Variants in ATP2C1 observed in about 807,000 individuals in gnomAD.
ATP2C1 encodes the protein calcium-transporting ATPase type 2C member 1.
A neutral mutation model predicts 120.5 loss-of-function variants in ATP2C1; 31 were observed. The ratio of observed to expected loss-of-function variants is 0.26; its 90% CI spans 0.19 to 0.35. The LOEUF is 0.35. Among genes scored for constraint, ATP2C1 ranks in the 10% least tolerant of loss-of-function variants. The probability of loss-of-function intolerance (pLI) is 1.00; values close to 1 mark genes in which losing one functional copy is unlikely to be tolerated. For missense variants in ATP2C1, 731 were observed against 1,107.5 expected, an observed-to-expected ratio of 0.66 and a Z score of 4.83; for synonymous variants, 351 against 358.7, an observed-to-expected ratio of 0.98 and a Z score of 0.24.
chr3:130,910,927 T>G (rs1267461367), intron 2 of ATP2C1, among the ~76,000 whole-genome samples: 11 of 112,926 alleles, frequency 9.7e-5, no homozygotes, highest in African/African-American at 3.8e-4. Flanking sequence ...GTTGTGTCTC[T>G]GCCCGGCTTT....
intron 2 of ATP2C1, among the ~76,000 whole-genome samples, chr3:130,912,006 A>T (rs1395122573): frequency 1.8e-5 from 2 of 110,724 alleles, no homozygotes; most frequent in African/African-American, 7.2e-5. Flanking sequence ...TGGGGAAAGG[A>T]TTCCCTATTT....
At chr3:130,903,680 C>T (rs1352277929) in intron 2 of ATP2C1, among the ~76,000 whole-genome samples, 1 of 142,480 alleles carries the variant, frequency 7.0e-6, no homozygotes, top group Non-Finnish European at 1.5e-5. Context: ...TCCTCTTTCC[C>T]CTTTCCCATT....
Position 130,975,492 on chromosome 3 carries a change from A to G in ATP2C1, c.1570+4A>G. Reference sequence around the variant, plus strand: ...ATGGGCTCAGCGGGACTCAGAGGTAAGGCTATTTCAGCATAGTCCCCTGGG... The same window carrying G: ...ATGGGCTCAGCGGGACTCAGAGGTAGGGCTATTTCAGCATAGTCCCCTGGG... On this transcript the variant is annotated splice_donor_region_variant and intron_variant, in intron 18 of 27. Transcript: ENST00000510168. The G allele has an allele frequency of 6.2e-7, 1 of 1,613,390 alleles. No homozygotes were observed. The highest frequency in any genetic ancestry group is 8.5e-7 in the Non-Finnish European group (1 of 1,179,656).
intron 1 of ATP2C1, among the ~76,000 whole-genome samples, chr3:130,869,790 G>A (rs545088077): frequency 6.6e-6 from 1 of 152,294 alleles, no homozygotes; most frequent in Non-Finnish European, 1.5e-5. Flanking sequence ...ATATAGCAGA[G>A]GTTGGTTCTT....
intron 21 of ATP2C1, among the ~76,000 whole-genome samples, chr3:130,993,719 A>G (rs2062462225): frequency 6.6e-6 from 1 of 152,248 alleles, no homozygotes; most frequent in Non-Finnish European, 1.5e-5. Flanking sequence ...TTAGAGATAC[A>G]GTTCTCACAG....
intron 1 of ATP2C1, among the ~76,000 whole-genome samples, chr3:130,853,257 AT>A (rs1485915387): frequency 2.0e-5 from 3 of 152,222 alleles, no homozygotes; most frequent in Non-Finnish European, 2.9e-5. Flanking sequence ...AAACCTGCTC[AT>A]TTGTTAATAA....
At chr3:130,944,834 G>A (rs1310576907) in intron 8 of ATP2C1, among the ~76,000 whole-genome samples, 2 of 152,136 alleles carry the variant, frequency 1.3e-5, no homozygotes, top group African/African-American at 2.4e-5. Flanking sequence ...TCCACAGAGA[G>A]CAAAATCCAA....
At chr3:130,856,333 C>T (rs942896180) in intron 1 of ATP2C1, 4 of 152,136 alleles carry the variant, frequency 2.6e-5, no homozygotes, top group Non-Finnish European at 5.9e-5. Context: ...CATACTTACT[C>T]TGAATGATAC....
intron 26 of ATP2C1, among the ~76,000 whole-genome samples, chr3:131,009,079 T>C (rs755602218): frequency 6.6e-6 from 1 of 152,252 alleles, no homozygotes; most frequent in African/African-American, 2.4e-5. Context: ...CTTCTACCTC[T>C]TGGATGCACA....
At chr3:131,014,110 A>G in intron 26 of ATP2C1, 2 of 1,609,672 alleles carry the variant, frequency 1.2e-6, no homozygotes, top group Non-Finnish European at 1.7e-6. Context: ...ACCATTAACA[A>G]CCCAAACCGG....
chr3:130,893,827 G>A (rs1379937922), upstream of ATP2C1: 1 of 652,084 alleles, frequency 1.5e-6, no homozygotes, highest in African/African-American at 2.0e-5. Context: ...GCGCCAGCAA[G>A]AACAAGGCGG....
intron 2 of ATP2C1, among the ~76,000 whole-genome samples, chr3:130,897,041 C>T (rs1480463339): frequency 6.6e-6 from 1 of 152,134 alleles, no homozygotes; most frequent in Admixed American, 6.5e-5. Flanking sequence ...ATAGTAAGTG[C>T]TCGGTAAATG....
intron 24 of ATP2C1, 82 bp from the exon 25 acceptor site, chr3:130,997,524 A>C: frequency 6.9e-6 from 9 of 1,301,734 alleles, no homozygotes; most frequent in Non-Finnish European, 8.8e-6. Flanking sequence ...TTTGCCGAAT[A>C]ATTGAGGTTA....
chr3:130,998,199 C>G (rs4459871), intron 25 of ATP2C1, 95 bp from the exon 26 acceptor site: 1 of 870,646 alleles, frequency 1.1e-6, no homozygotes, highest in African/African-American at 1.7e-5. Context: ...TTATTTCTTC[C>G]TAATGGAAAG....
intron 2 of ATP2C1, among the ~76,000 whole-genome samples, chr3:130,916,260 C>G (rs923659305): frequency 7.2e-6 from 1 of 139,750 alleles, no homozygotes; most frequent in Non-Finnish European, 1.6e-5. Context: ...AAAAAAAAAA[C>G]AAAAAATTAG....
chr3:130,913,382 A>G (rs2058534625), intron 2 of ATP2C1, among the ~76,000 whole-genome samples: 1 of 152,228 alleles, frequency 6.6e-6, no homozygotes, highest in African/African-American at 2.4e-5. Context: ...TGTTGATAAA[A>G]TATTAACAGA....
In ATP2C1 at chr3:130,997,759, T is replaced by C. The variant is rs757945340; in HGVS notation, c.2391+6T>C. The stretch of plus-strand genomic sequence containing the variant: ...TGTTTGTCTTCTGGCGTGAGGTATA[T>C]TCACTGGCCAAGCTGCTATATTAAC... On this transcript the variant is annotated splice_donor_region_variant and intron_variant, in intron 25 of 27. Transcript: ENST00000510168. The C allele has an allele frequency of 7.4e-6, 12 of 1,613,132 alleles. No homozygotes were observed. Among genetic ancestry groups the C allele is most frequent in the Middle Eastern group, 1.7e-4 (1 of 6,050 alleles).
At chr3:130,893,405 G>C (rs906398075), upstream of ATP2C1, among the ~76,000 whole-genome samples, 8 of 152,184 alleles carry the variant, frequency 5.3e-5, no homozygotes, top group African/African-American at 1.7e-4. Context: ...CATTACACAT[G>C]GTAACTAAGC....
At chr3:130,954,658 T>A (rs1316247446) in intron 9 of ATP2C1, among the ~76,000 whole-genome samples, 1 of 152,114 alleles carries the variant, frequency 6.6e-6, no homozygotes, top group Non-Finnish European at 1.5e-5. Context: ...GCTAATTTTT[T>A]GTATTTTTAG....
Sources: allele counts gnomAD v4.1 joint callset (sites outside exome capture counted in the v4.1 genomes callset), GRCh38; gene constraint gnomAD v4.1.1; transcripts MANE v1.5; gene names NCBI Gene and HGNC (gene_info 2026-07-23, HGNC 2026-07-21).